The following CREB5 variants were observed in gnomAD, a reference collection of about 807,000 sequenced individuals.
CREB5 encodes cyclic AMP-responsive element-binding protein 5.
In CREB5, 19 loss-of-function variants were observed where a neutral mutation model predicts 57.1. That is an observed-to-expected ratio of 0.33 (90% CI 0.23 to 0.49). CREB5 has a LOEUF of 0.49. Ranked by LOEUF, CREB5 falls within the 20% of genes least tolerant of loss-of-function variation. CREB5 has a pLI of 0.99. For synonymous variants in CREB5, 238 were observed against 238.3 expected (o/e 1.00, Z 0.01); for missense variants, 579 against 671.6 (o/e 0.86, Z 1.52).
chr7:28,353,773 G>A (rs980369411), intron 1 of CREB5, among the ~76,000 whole-genome samples: 9 of 151,572 alleles, frequency 5.9e-5, no homozygotes, highest in African/African-American at 2.2e-4. Flanking sequence ...AACCCAGGAG[G>A]CGGAGCTTGC....
chr7:28,413,614 G>C (rs42713), intron 1 of CREB5, among the ~76,000 whole-genome samples: 141,327 of 152,226 alleles, frequency 0.93, 65,693 homozygotes, highest in East Asian at 0.98. Context: ...TGCTGGTGCC[G>C]ATAAATTGCC....
At chr7:28,339,706 T>C (rs1451999723) in intron 1 of CREB5, among the ~76,000 whole-genome samples, 2 of 152,200 alleles carry the variant, frequency 1.3e-5, no homozygotes, top group Non-Finnish European at 2.9e-5. Context: ...GACAGGCTTG[T>C]GTACTTCCCT....
chr7:28,302,207 A>G (rs576172801), intron 1 of CREB5, among the ~76,000 whole-genome samples: 1 of 152,220 alleles, frequency 6.6e-6, no homozygotes, highest in Admixed American at 6.5e-5. Context: ...TAAAGCACCA[A>G]ATAAATAGCT....
intron 5 of CREB5, among the ~76,000 whole-genome samples, chr7:28,581,201 T>C (rs907759051): frequency 1.3e-5 from 2 of 152,330 alleles, no homozygotes; most frequent in Admixed American, 1.3e-4. Flanking sequence ...TTTTTCCCAA[T>C]GTGTTTAACC....
At chr7:28,312,458 C>G (rs1785297420) in intron 1 of CREB5, among the ~76,000 whole-genome samples, 1 of 152,088 alleles carries the variant, frequency 6.6e-6, no homozygotes, top group Non-Finnish European at 1.5e-5. Context: ...ACCGGTGCAG[C>G]CAGAGGTGGC....
intron 7 of CREB5, among the ~76,000 whole-genome samples, chr7:28,789,859 T>G (rs1391910093): frequency 2.0e-5 from 3 of 152,140 alleles, no homozygotes; most frequent in African/African-American, 7.2e-5. Flanking sequence ...TAGATCAAAA[T>G]TTTAAAACCT....
intron 1 of CREB5, among the ~76,000 whole-genome samples, chr7:28,402,334 G>A (rs6949414): frequency 0.73 from 110,396 of 152,048 alleles, 40,508 homozygotes; most frequent in East Asian, 0.97. Flanking sequence ...GAAAGTTCAT[G>A]TGGAACCAAA....
chr7:28,723,413 G>A (rs1405059771), intron 6 of CREB5, among the ~76,000 whole-genome samples: 1 of 152,176 alleles, frequency 6.6e-6, no homozygotes, highest in Non-Finnish European at 1.5e-5. Flanking sequence ...GTATTTGAAC[G>A]ATGTTCATTT....
At chr7:28,523,858 G>A (rs965773307) in intron 4 of CREB5, among the ~76,000 whole-genome samples, 4 of 152,150 alleles carry the variant, frequency 2.6e-5, no homozygotes, top group Admixed American at 6.5e-5. Flanking sequence ...TTCCTGCAGT[G>A]CTTTTTCAGC....
rs998818997 is a variant in CREB5, at chr7:28,823,578, A to G, written c.*4299A>G. 5 of 152,510 alleles carry G rather than the reference A, an allele frequency of 3.3e-5. No homozygotes were observed. The highest frequency in any genetic ancestry group is 9.7e-5 in the African/African-American group (4 of 41,436). 9.4% of individuals were successfully genotyped at this position (152,510 alleles called of 1,614,324 possible). A position where few individuals can be genotyped will look rare whatever the true frequency, so the allele number is the denominator to read the frequency against. On this transcript the variant is annotated 3_prime_UTR_variant, in exon 11 of 11. Transcript: ENST00000357727. ...TTATTTTTTAATCAACATTCTGAACAGTTTTTTTTAAACATTTATTTCTGT... is the reference window on the plus strand; with the variant it reads ...TTATTTTTTAATCAACATTCTGAACGGTTTTTTTTAAACATTTATTTCTGT...
At chr7:28,329,512 A>T (rs1785674624) in intron 1 of CREB5, among the ~76,000 whole-genome samples, 1 of 152,246 alleles carries the variant, frequency 6.6e-6, no homozygotes, top group Non-Finnish European at 1.5e-5. Flanking sequence ...AATTGTAAAC[A>T]TTCCCAAAAA....
At chr7:28,625,739 A>C (rs1361329016) in intron 5 of CREB5, among the ~76,000 whole-genome samples, 3 of 152,224 alleles carry the variant, frequency 2.0e-5, no homozygotes, top group Admixed American at 6.5e-5. Context: ...AGCAATGTTT[A>C]TTCCATGGCC....
At chr7:28,707,459 G>A (rs1035003527) in intron 5 of CREB5, among the ~76,000 whole-genome samples, 3 of 152,116 alleles carry the variant, frequency 2.0e-5, no homozygotes, top group African/African-American at 7.2e-5. Flanking sequence ...GCCAGGAGGC[G>A]GCCAAAAGCC....
At chr7:28,578,067 T>A (rs1346085439) in intron 5 of CREB5, among the ~76,000 whole-genome samples, 2 of 152,210 alleles carry the variant, frequency 1.3e-5, no homozygotes, top group African/African-American at 2.4e-5. Flanking sequence ...TATTCTAGAA[T>A]TATTATTATT....
intron 1 of CREB5, among the ~76,000 whole-genome samples, chr7:28,418,951 C>T (rs1788126830): frequency 1.3e-5 from 2 of 152,182 alleles, no homozygotes; most frequent in Admixed American, 1.3e-4. Flanking sequence ...GGTGCTTTCC[C>T]ATGCATTATT....
chr7:28,445,627 C>A (rs946874343), intron 1 of CREB5, among the ~76,000 whole-genome samples: 3 of 151,958 alleles, frequency 2.0e-5, no homozygotes, highest in African/African-American at 7.3e-5. Flanking sequence ...TCTCGGCTCA[C>A]TGCAAGCTCC....
At chr7:28,640,490 C>T (rs539632867) in intron 5 of CREB5, among the ~76,000 whole-genome samples, 10 of 152,118 alleles carry the variant, frequency 6.6e-5, no homozygotes, top group Non-Finnish European at 1.5e-4. Context: ...GGAAAAAATG[C>T]CTCTTTTATA....
chr7:28,640,493 CT>C (rs1292808098), intron 5 of CREB5, among the ~76,000 whole-genome samples: 1 of 152,146 alleles, frequency 6.6e-6, no homozygotes, highest in South Asian at 2.1e-4. Context: ...AAAAATGCCT[CT>C]TTTATATCAT....
At chr7:28,305,597 C>T (rs971124339) in intron 1 of CREB5, among the ~76,000 whole-genome samples, 1 of 152,130 alleles carries the variant, frequency 6.6e-6, no homozygotes, top group East Asian at 1.9e-4. Context: ...GAAGTGAGTC[C>T]ATTGAATTAA....
Sources: allele counts gnomAD v4.1 joint callset (sites outside exome capture counted in the v4.1 genomes callset), GRCh38; gene constraint gnomAD v4.1.1; transcripts MANE v1.5; gene names NCBI Gene and HGNC (gene_info 2026-07-23, HGNC 2026-07-21).